DLGAP1: variants seen among roughly 807,000 people sequenced by gnomAD.
DLGAP1 encodes disks large-associated protein 1.
In DLGAP1, 11 loss-of-function variants were observed where a neutral mutation model predicts 90.8. That is an observed-to-expected ratio of 0.12 (90% CI 0.08 to 0.20). The LOEUF is 0.20. DLGAP1 is among the 10% of genes least tolerant of loss of function. DLGAP1 has a pLI of 1.00. For synonymous variants in DLGAP1, 558 were observed against 540.7 expected (o/e 1.03, Z -0.44); for missense variants, 1,050 against 1,333.8 (o/e 0.79, Z 3.31).
At chr18:4,192,980 T>C (rs569301035) in intron 1 of DLGAP1, among the ~76,000 whole-genome samples, 6 of 152,340 alleles carry the variant, frequency 3.9e-5, no homozygotes, top group South Asian at 2.1e-4. Context: ...TTGAAGGGTA[T>C]TGCAAAACTA....
intron 2 of DLGAP1, among the ~76,000 whole-genome samples, chr18:4,100,034 T>C (rs1015529693): frequency 7.9e-5 from 12 of 152,206 alleles, no homozygotes; most frequent in African/African-American, 2.9e-4. Flanking sequence ...TTTCACTTTT[T>C]GTAAAGATGG....
intron 7 of DLGAP1, among the ~76,000 whole-genome samples, chr18:3,707,205 C>T (rs963689885): frequency 1.3e-5 from 2 of 152,072 alleles, no homozygotes; most frequent in Admixed American, 1.3e-4. Flanking sequence ...TCTCATTGTA[C>T]CTCTACGCTC....
chr18:3,933,940 C>CA (rs2072576393), intron 3 of DLGAP1, among the ~76,000 whole-genome samples: 1 of 152,114 alleles, frequency 6.6e-6, no homozygotes, highest in South Asian at 2.1e-4. Context: ...CAAAGGGCAT[C>CA]AATGAGGTGC....
chr18:3,655,830 G>A (rs2059462781), intron 7 of DLGAP1: 1 of 425,954 alleles, frequency 2.3e-6, no homozygotes, highest in East Asian at 3.6e-5. Flanking sequence ...CACCGGCTCC[G>A]AGGCAGTCAC....
At chr18:3,885,362 C>T (rs2071282219) in intron 3 of DLGAP1, 1 of 152,178 alleles carries the variant, frequency 6.6e-6, no homozygotes, top group South Asian at 2.1e-4. Flanking sequence ...CAGTGAATCC[C>T]TAGTGGTCAG....
chr18:4,176,413 C>T lies in DLGAP1; in HGVS notation c.-266-25126G>A, dbSNP rs151020028. Among the ~76,000 whole-genome samples, 425 of 152,298 alleles carry T rather than the reference C, an allele frequency of 2.8e-3. 1 individual carries two copies. Among genetic ancestry groups the T allele is most frequent in the African/African-American group, 9.9e-3 (413 of 41,556 alleles). On this transcript the variant is annotated intron_variant, in intron 1 of 12. Transcript: ENST00000315677. ...CAAGTTTATTTCTATTTCAAACCAGCAGCCATTCGTGTGGTGTATATTTTT... is the reference window on the plus strand; with the variant it reads ...CAAGTTTATTTCTATTTCAAACCAGTAGCCATTCGTGTGGTGTATATTTTT...
chr18:3,818,420 C>T (rs186311523), intron 4 of DLGAP1, among the ~76,000 whole-genome samples: 7 of 119,918 alleles, frequency 5.8e-5, no homozygotes, highest in South Asian at 5.8e-4. Context: ...AGTGCAGTGG[C>T]GTGATCTTAG....
chr18:3,514,453 G>A (rs1483856232), intron 10 of DLGAP1, among the ~76,000 whole-genome samples: 1 of 152,170 alleles, frequency 6.6e-6, no homozygotes, highest in African/African-American at 2.4e-5. Flanking sequence ...GCTCCCCGTG[G>A]TGAAGGTTAC....
rs2143527810 is a variant in DLGAP1 at position 3,498,086 on chromosome 18, A to G, written c.*1099T>C. The G allele has an allele frequency of 6.6e-6, 1 of 152,378 alleles. No homozygotes were observed. The highest frequency in any genetic ancestry group is 2.4e-5 in the African/African-American group (1 of 41,584). 9.4% of individuals were successfully genotyped at this position (152,378 alleles called of 1,614,324 possible). A position where few individuals can be genotyped will look rare whatever the true frequency, so the allele number is the denominator to read the frequency against. On this transcript the variant is annotated 3_prime_UTR_variant, in exon 13 of 13. Transcript: ENST00000315677. ...TGAAATACGAACTACTTGGGTTAAA[A>G]TAGACGGATGTGTAGCATTCAAAGG...
intron 7 of DLGAP1, among the ~76,000 whole-genome samples, chr18:3,710,344 C>T (rs1233724688): frequency 2.0e-5 from 3 of 152,298 alleles, no homozygotes; most frequent in East Asian, 3.9e-4. Flanking sequence ...AGGGGCCCTA[C>T]GTCATCCCCC....
chr18:4,296,710 C>T (rs772293229), intron 1 of DLGAP1, among the ~76,000 whole-genome samples: 4 of 152,142 alleles, frequency 2.6e-5, no homozygotes, highest in Non-Finnish European at 5.9e-5. Context: ...TAGATGCTGG[C>T]AATTTCAGCA....
At chr18:3,744,338 A>T (rs1290973844) in intron 5 of DLGAP1, among the ~76,000 whole-genome samples, 1 of 152,200 alleles carries the variant, frequency 6.6e-6, no homozygotes. Flanking sequence ...TTTTAATGAA[A>T]AAAATTCCCT....
At chr18:4,262,957 G>A (rs953975092) in intron 1 of DLGAP1, among the ~76,000 whole-genome samples, 3 of 151,286 alleles carry the variant, frequency 2.0e-5, no homozygotes, top group Non-Finnish European at 2.9e-5. Flanking sequence ...TTTTTGAGAC[G>A]AAGTCTCACT....
intron 9 of DLGAP1, among the ~76,000 whole-genome samples, chr18:3,562,451 C>G (rs1485250896): frequency 6.6e-6 from 1 of 151,758 alleles, no homozygotes; most frequent in South Asian, 2.1e-4. Flanking sequence ...TGGGTCTTTC[C>G]CATGCTGTTC....
intron 10 of DLGAP1, among the ~76,000 whole-genome samples, chr18:3,516,215 T>C (rs73377699): frequency 0.02 from 3,018 of 152,138 alleles, 67 homozygotes; most frequent in Middle Eastern, 0.054. Flanking sequence ...TCCAGAAGTT[T>C]TTCTTTTTTT....
intron 2 of DLGAP1, among the ~76,000 whole-genome samples, chr18:4,118,686 T>C (rs1244657728): frequency 6.6e-6 from 1 of 151,348 alleles, no homozygotes; most frequent in Non-Finnish European, 1.5e-5. Flanking sequence ...AAGAGTCTCA[T>C]TTTCTTGGTT....
At chr18:3,709,779 GC>G (rs2061545684) in intron 7 of DLGAP1, among the ~76,000 whole-genome samples, 1 of 152,172 alleles carries the variant, frequency 6.6e-6, no homozygotes, top group Non-Finnish European at 1.5e-5. Flanking sequence ...TTCAGTGTTT[GC>G]GGGACTGAAG....
intron 7 of DLGAP1, among the ~76,000 whole-genome samples, chr18:3,633,688 T>C (rs1270931907): frequency 6.6e-6 from 1 of 152,216 alleles, no homozygotes; most frequent in African/African-American, 2.4e-5. Context: ...TATTTTGTGA[T>C]TCCTTAGATA....
chr18:4,015,378 A>G (rs1364775212), intron 2 of DLGAP1, among the ~76,000 whole-genome samples: 1 of 152,112 alleles, frequency 6.6e-6, no homozygotes. Context: ...TCTATGATGG[A>G]TCCACACACC....
Sources: gnomAD v4.1 joint callset for allele counts (sites outside exome capture counted in the v4.1 genomes callset) on GRCh38, gnomAD v4.1.1 for gene constraint, MANE v1.5 for transcripts, NCBI Gene and HGNC (gene_info 2026-07-23, HGNC 2026-07-21) for gene names.